Variants in ACOT7 observed in about 807,000 individuals in gnomAD.
The protein encoded by ACOT7 is acyl-CoA thioesterase 7.
Under a neutral mutation model 40.2 loss-of-function variants are expected in ACOT7, and 12 were observed. The observed-to-expected ratio is 0.30, with a 90% confidence interval of 0.19 to 0.48. The LOEUF (loss-of-function observed/expected upper bound fraction) is 0.48. Ranked by LOEUF, ACOT7 falls within the 20% of genes least tolerant of loss-of-function variation. The probability of loss-of-function intolerance (pLI) is 0.99; values close to 1 mark genes in which losing one functional copy is unlikely to be tolerated. For synonymous variants in ACOT7, 228 were observed against 219.5 expected, an observed-to-expected ratio of 1.04 and a Z score of -0.34; for missense variants, 395 against 530.8, an observed-to-expected ratio of 0.74 and a Z score of 2.51.
chr1:6,292,289 G>C (rs1459066055), intron 7 of ACOT7, among the ~76,000 whole-genome samples: 2 of 152,254 alleles, frequency 1.3e-5, no homozygotes, highest in African/African-American at 4.8e-5. Context: ...ACGAGGTGGG[G>C]GCCTGGGCGG....
At chr1:6,357,245 A>T (rs1299555457) in intron 1 of ACOT7, among the ~76,000 whole-genome samples, 1 of 152,242 alleles carries the variant, frequency 6.6e-6, no homozygotes, top group Non-Finnish European at 1.5e-5. Flanking sequence ...CTCAAAAAAA[A>T]AAAAAGTCAG....
chr1:6,385,563 C>T lies in ACOT7; in HGVS notation c.143+7694G>A. The T allele has an allele frequency of 1.2e-6, 2 of 1,612,186 alleles. 1 individual carries two copies. Among genetic ancestry groups the T allele is most frequent in the Non-Finnish European group, 1.7e-6 (2 of 1,179,240 alleles). ...CCCAACCACCTGGACGGGAGCGCAG[C>T]ACCCTCGCCGGGGCCCCACACATCC... On this transcript the variant is annotated intron_variant, in intron 1 of 8. Coordinates refer to ENST00000361521, the MANE Select transcript of ACOT7 (RefSeq NM_007274.4).
At chr1:6,287,037 C>T (rs931428722) in intron 7 of ACOT7, among the ~76,000 whole-genome samples, 9 of 152,340 alleles carry the variant, frequency 5.9e-5, no homozygotes, top group Admixed American at 1.3e-4. Context: ...CTGCCTGCCT[C>T]GGCCTCCCAA....
intron 6 of ACOT7, among the ~76,000 whole-genome samples, chr1:6,314,402 A>G (rs1469853643): frequency 1.3e-5 from 2 of 152,110 alleles, no homozygotes; most frequent in African/African-American, 4.8e-5. Context: ...TAATTTAAAA[A>G]TAAAAAATAA....
intron 6 of ACOT7, among the ~76,000 whole-genome samples, chr1:6,308,991 T>C (rs549429936): frequency 6.6e-6 from 1 of 152,336 alleles, no homozygotes; most frequent in Admixed American, 6.5e-5. Context: ...CTGGCCACTA[T>C]TTTCTGCCAT....
At chr1:6,322,313 C>G (rs1640668734) in intron 5 of ACOT7, among the ~76,000 whole-genome samples, 1 of 152,226 alleles carries the variant, frequency 6.6e-6, no homozygotes, top group African/African-American at 2.4e-5. Context: ...GCTTCTGACT[C>G]CATGACATGC....
rs536371811 is a variant in ACOT7 at position 6,286,740 on chromosome 1, T to G, written c.830-5454A>C. On this transcript the variant is annotated intron_variant, in intron 7 of 8. Transcript: ENST00000361521. ...ACAGGCCACCTGGGCATTTTGGGGG[T>G]AACTTCCTCCACATTTTTAAAGGAG... Among the ~76,000 whole-genome samples, 392 of 152,124 alleles carry G rather than the reference T, an allele frequency of 2.6e-3. 1 individual carries two copies. Among genetic ancestry groups the G allele is most frequent in the Admixed American group, 6.0e-3 (92 of 15,272 alleles).
At chr1:6,335,219 C>G (rs1005380728) in intron 3 of ACOT7, among the ~76,000 whole-genome samples, 1 of 149,492 alleles carries the variant, frequency 6.7e-6, no homozygotes, top group Non-Finnish European at 1.5e-5. Flanking sequence ...CCCAGCTACT[C>G]GGGAGGCTGA....
At chr1:6,322,981 T>C (rs1640690230) in intron 5 of ACOT7, among the ~76,000 whole-genome samples, 1 of 151,632 alleles carries the variant, frequency 6.6e-6, no homozygotes, top group East Asian at 1.9e-4. Context: ...AATACAAAAA[T>C]TAGCCAGGCA....
At chr1:6,360,642 A>T (rs1460886216) in intron 1 of ACOT7, 2 of 1,614,230 alleles carry the variant, frequency 1.2e-6, no homozygotes, top group Non-Finnish European at 1.7e-6. Flanking sequence ...GCTTCTCCGA[A>T]GCAGGAGCAT....
rs1639604542 is a variant in ACOT7 at position 6,289,431 on chromosome 1, C to T, written c.829+5433G>A. Among the ~76,000 whole-genome samples, 2 of 152,024 alleles carry T rather than the reference C, an allele frequency of 1.3e-5. No homozygotes were observed. Among genetic ancestry groups the T allele is most frequent in the Admixed American group, 6.5e-5 (1 of 15,270 alleles). On this transcript the variant is annotated intron_variant, in intron 7 of 8. Transcript: ENST00000361521. The surrounding 1 kb of genome is among the most constrained non-coding windows in gnomAD (Gnocchi z 4.6). The stretch of plus-strand genomic sequence containing the variant: ...TGTTTTTTAAATTGAGACAAGGTCT[C>T]ACTCTGTCACCCAGGCTGAGTGCGG...
rs1018546428 is a variant in ACOT7, at chr1:6,275,479, T to G, written c.1014+5623A>C. 3.3e-5 allele frequency among the ~76,000 whole-genome samples: 5 copies of G among 152,092 alleles called. No individual in the cohort carries two copies. The highest frequency in any genetic ancestry group is 5.9e-5 in the Non-Finnish European group (4 of 68,006). ...CAGGCGCGGTAGCTCACGCCTGTAA[T>G]CCTAGCACTTTGGGAGGCCGAGGCA... On this transcript the variant is annotated intron_variant, in intron 8 of 8. Coordinates refer to ENST00000361521, the MANE Select transcript of ACOT7 (RefSeq NM_007274.4). This position sits in a 1 kb window ranked among gnomAD's most constrained non-coding sequence, Gnocchi z 5.6.
At chr1:6,321,407 T>C (rs1640641337) in intron 5 of ACOT7, among the ~76,000 whole-genome samples, 2 of 152,254 alleles carry the variant, frequency 1.3e-5, no homozygotes, top group South Asian at 4.1e-4. Context: ...TCAAGCCTGG[T>C]GTATTTTTTT....
intron 1 of ACOT7, chr1:6,385,893 G>A: frequency 1.6e-6 from 2 of 1,272,058 alleles, no homozygotes; most frequent in Non-Finnish European, 2.1e-6. Context: ...CAAAAGACCA[G>A]TGATGCAAGG....
intron 8 of ACOT7, among the ~76,000 whole-genome samples, chr1:6,276,876 T>C (rs1040926636): frequency 6.6e-5 from 10 of 152,252 alleles, no homozygotes; most frequent in African/African-American, 2.2e-4. Context: ...TAGATCAACA[T>C]GACGCGGCCA....
intron 7 of ACOT7, among the ~76,000 whole-genome samples, chr1:6,284,656 G>A (rs1639452370): frequency 1.3e-5 from 2 of 150,428 alleles, no homozygotes; most frequent in East Asian, 3.9e-4. Flanking sequence ...CGGCTGAGGC[G>A]CACACCAAAT....
At chr1:6,317,779 T>G (rs1640535307) in intron 6 of ACOT7, among the ~76,000 whole-genome samples, 1 of 150,784 alleles carries the variant, frequency 6.6e-6, no homozygotes, top group Non-Finnish European at 1.5e-5. Context: ...TCGCCCAGGC[T>G]GGAGTGCAGT....
In ACOT7 at chr1:6,330,684, C is replaced by T. The variant is rs952832129; in HGVS notation, c.510+2793G>A. Among the ~76,000 whole-genome samples the T allele has an allele frequency of 2.0e-5, 3 of 152,158 alleles. No individual in the cohort carries two copies. Among genetic ancestry groups the T allele is most frequent in the African/African-American group, 7.2e-5 (3 of 41,436 alleles). ...GCTAACAGGGGCCACGCTGAAAGCA[C>T]CCTGTCCCTGCAGCGAGGGGATGGG... On this transcript the variant is annotated intron_variant, in intron 4 of 8. Transcript: ENST00000361521. This position sits in a 1 kb window ranked among gnomAD's most constrained non-coding sequence, Gnocchi z 4.6.
At chr1:6,386,279 C>T (rs1044538434) in intron 1 of ACOT7, among the ~76,000 whole-genome samples, 6 of 152,214 alleles carry the variant, frequency 3.9e-5, no homozygotes, top group Admixed American at 2.6e-4. Flanking sequence ...TGACCTTCCC[C>T]GCCCCTGGAG....
Sources: allele counts gnomAD v4.1 joint callset (sites outside exome capture counted in the v4.1 genomes callset), GRCh38; gene constraint gnomAD v4.1.1; non-coding constraint Gnocchi (gnomAD v3.1); transcripts MANE v1.5; gene names NCBI Gene and HGNC (gene_info 2026-07-23, HGNC 2026-07-21).